Variants in VRK2 observed in about 807,000 individuals in gnomAD.
VRK2 encodes the protein serine/threonine-protein kinase VRK2.
Under a neutral mutation model 57.6 loss-of-function variants are expected in VRK2, and 60 were observed. The ratio of observed to expected loss-of-function variants is 1.04; its 90% CI spans 0.85 to 1.29. VRK2 has a LOEUF of 1.29. VRK2 is among the 50% of genes most tolerant of loss of function. The pLI is 0.00. For synonymous variants in VRK2, 231 were observed against 199.2 expected (o/e 1.16, Z -1.35); for missense variants, 705 against 588.1 (o/e 1.20, Z -2.06).
chr2:58,076,656 T>A (rs374626531), intron 2 of VRK2, among the ~76,000 whole-genome samples: 103 of 152,048 alleles, frequency 6.8e-4, no homozygotes, highest in African/African-American at 2.0e-3. Flanking sequence ...TCTAGGAAAT[T>A]GTCATTTTTT....
intron 1 of VRK2, among the ~76,000 whole-genome samples, chr2:57,974,823 A>G (rs1022957662): frequency 1.3e-5 from 2 of 151,920 alleles, no homozygotes; most frequent in Non-Finnish European, 2.9e-5. Flanking sequence ...AAACATACTC[A>G]AGATAAAACA....
At chr2:58,144,233 G>A (rs79044410) in intron 11 of VRK2, among the ~76,000 whole-genome samples, 2,457 of 151,894 alleles carry the variant, frequency 0.016, 63 homozygotes, top group African/African-American at 0.057. Context: ...AGTATTTGTC[G>A]GGATGAGACC....
At chr2:58,126,545 G>T (rs1268528525) in intron 8 of VRK2, among the ~76,000 whole-genome samples, 2 of 146,000 alleles carry the variant, frequency 1.4e-5, no homozygotes, top group Non-Finnish European at 2.9e-5. Context: ...GTATCGTGAT[G>T]GATGGACAGA....
In VRK2 at chr2:57,916,943, G is replaced by A. The variant is rs530869915; in HGVS notation, c.-439+9104G>A. Among the ~76,000 whole-genome samples, 30 of 152,186 alleles carry A rather than the reference G, an allele frequency of 2.0e-4. 1 individual carries two copies. The East Asian group carries it at 4.8e-3, about 24-fold the overall frequency. Reference sequence around the variant, plus strand: ...TGTTGTGGGAATCAAATAAACTAGCGTATGTAAAGTACTATTTTAGAAGCC... The same window carrying A: ...TGTTGTGGGAATCAAATAAACTAGCATATGTAAAGTACTATTTTAGAAGCC... On this transcript the variant is annotated intron_variant, in intron 1 of 15. Coordinates refer to the VRK2 transcript ENST00000417641.
rs1458443895 is a variant in VRK2, at chr2:57,979,458, G to A, written c.-438-46207G>A. 2.0e-5 allele frequency among the ~76,000 whole-genome samples: 3 copies of A among 151,010 alleles called. No individual in the cohort carries two copies. The East Asian group carries it at 5.8e-4, about 29-fold the overall frequency. ...TTCAATTTGATATTATTTTGTTGAG[G>A]ATATTGCATCTATGTTCACCAGGGA... On this transcript the variant is annotated intron_variant, in intron 1 of 15. Coordinates refer to the VRK2 transcript ENST00000417641.
chr2:58,020,029 G>T (rs1429727843), intron 1 of VRK2, among the ~76,000 whole-genome samples: 1 of 152,138 alleles, frequency 6.6e-6, no homozygotes. Flanking sequence ...AGGTCTACAT[G>T]GAGAAAATGT....
rs755588369 is a variant in VRK2 at position 58,048,978 on chromosome 2, A to G, written c.136+11A>G. On this transcript the variant is annotated intron_variant, in intron 2 of 12. Transcript: ENST00000340157. ...GATTGATATATTTAGGTAAAGTAAA[A>G]CCTTAAATTAACAATTATTCTTATA... The G allele has an allele frequency of 6.2e-7, 1 of 1,607,122 alleles. No individual in the cohort carries two copies.
At chr2:58,036,629 A>G (rs1674282927) in intron 3 of VRK2, among the ~76,000 whole-genome samples, 1 of 151,940 alleles carries the variant, frequency 6.6e-6, no homozygotes, top group Non-Finnish European at 1.5e-5. Context: ...AACCAAAAAA[A>G]ATGTAGTTTA....
At chr2:58,137,055 GTA>G (rs1243973810) in intron 10 of VRK2, among the ~76,000 whole-genome samples, 1 of 122,298 alleles carries the variant, frequency 8.2e-6, no homozygotes, top group Admixed American at 9.2e-5. Context: ...ATATATATGT[GTA>G]TATATCATAT....
chr2:57,976,472 G>C (rs1672255083), intron 1 of VRK2, among the ~76,000 whole-genome samples: 1 of 151,980 alleles, frequency 6.6e-6, no homozygotes, highest in Non-Finnish European at 1.5e-5. Flanking sequence ...TGCAGGTCAA[G>C]CATTTTTTCG....
intron 1 of VRK2, among the ~76,000 whole-genome samples, chr2:57,926,412 G>A (rs1244555817): frequency 7.0e-6 from 1 of 141,944 alleles, no homozygotes; most frequent in African/African-American, 2.7e-5. Context: ...GTGTCCTCCA[G>A]TGTCACATAT....
rs1675281855 is a variant in VRK2 at position 58,048,893 on chromosome 2, T to C, written c.62T>C (p.Leu21Pro). 6.2e-7 allele frequency: 1 copy of C among 1,613,912 alleles called. No individual in the cohort carries two copies. Reference sequence around the variant, plus strand: ...ATTCCATTTCCAGAAGGCAAGGTTCTGGATGATATGGAAGGCAATCAGTGG... The same window carrying C: ...ATTCCATTTCCAGAAGGCAAGGTTCCGGATGATATGGAAGGCAATCAGTGG... ...LPIPFPEGKV[L>P]DDMEGNQWVL... Residue 21 changes from leucine to proline, a missense_variant, in exon 2 of 13, where the codon CTG becomes CCG. Physicochemically the swap from Leu to Pro is moderately conservative, Grantham distance 98. Transcript: ENST00000340157.
At position 58,146,558 on chromosome 2, in the gene VRK2, T is replaced by C. The variant is rs1682173228; in HGVS notation, c.1182+84T>C. 4 of 1,454,542 alleles carry C rather than the reference T, an allele frequency of 2.8e-6. No homozygotes were observed. The African/African-American group carries it at 4.3e-5, about 16-fold the overall frequency. 90.1% of individuals were successfully genotyped at this position (1,454,542 alleles called of 1,614,324 possible). The stretch of plus-strand genomic sequence containing the variant: ...TTGGGAATAAAAACATCTTATTTTC[T>C]CCTGAGGGCCAAGGTTGTATGGTTT... On this transcript the variant is annotated intron_variant, in intron 12 of 12. Transcript: ENST00000340157.
At chr2:57,910,477 T>C (rs777083495) in intron 1 of VRK2, among the ~76,000 whole-genome samples, 1 of 152,326 alleles carries the variant, frequency 6.6e-6, no homozygotes, top group African/African-American at 2.4e-5. Context: ...TTTATCTCTG[T>C]AGATTCTGAA....
At chr2:58,139,344 T>A (rs750253609) in intron 10 of VRK2, among the ~76,000 whole-genome samples, 2 of 152,094 alleles carry the variant, frequency 1.3e-5, no homozygotes, top group Non-Finnish European at 2.9e-5. Flanking sequence ...ATTTATGTAG[T>A]CCTTAATAGT....
intron 1 of VRK2, among the ~76,000 whole-genome samples, chr2:57,991,915 G>A (rs1572751416): frequency 6.7e-6 from 1 of 148,910 alleles, no homozygotes; most frequent in Non-Finnish European, 1.5e-5. Context: ...CCGAGATCGC[G>A]CCACTGCACT....
intron 1 of VRK2, among the ~76,000 whole-genome samples, chr2:57,967,175 G>A (rs1353338563): frequency 1.3e-5 from 2 of 152,158 alleles, no homozygotes; most frequent in Non-Finnish European, 2.9e-5. Flanking sequence ...GTTAAACAAT[G>A]AGAACACATG....
chr2:57,972,085 T>G (rs913689110), intron 1 of VRK2, among the ~76,000 whole-genome samples: 4 of 151,778 alleles, frequency 2.6e-5, no homozygotes, highest in Non-Finnish European at 4.4e-5. Flanking sequence ...GACACAGTAT[T>G]CCAGTTTATC....
At position 58,086,384 on chromosome 2, in the gene VRK2, C is replaced by G. The variant is rs377003543; in HGVS notation, c.302C>G (p.Pro101Arg). The G allele has an allele frequency of 2.5e-6, 4 of 1,603,594 alleles. No homozygotes were observed. Among genetic ancestry groups the G allele is most frequent in the Non-Finnish European group, 3.4e-6 (4 of 1,176,886 alleles). ...ERKQLDYLGI[P>R]LFYGSGLTEF... ...AAACAACTTGATTATTTAGGAATTC[C>G]TCTGTTTTATGGATCTGGTCTGACT... The change falls in exon 5 of 13, where the codon CCT (proline) becomes CGT (arginine). Residue 101 changes from proline to arginine, a missense_variant. Coordinates refer to ENST00000340157, the MANE Select transcript of VRK2 (RefSeq NM_006296.7).
Sources: gnomAD v4.1 joint callset for allele counts (sites outside exome capture counted in the v4.1 genomes callset) on GRCh38, gnomAD v4.1.1 for gene constraint, MANE v1.5 for transcripts, NCBI Gene and HGNC (gene_info 2026-07-23, HGNC 2026-07-21) for gene names.